The following AK7 variants were observed in gnomAD, a reference collection of about 807,000 sequenced individuals.
The protein encoded by AK7 is ATP-AMP transphosphorylase 7.
In AK7, 78 loss-of-function variants were observed where a neutral mutation model predicts 96.6. The observed-to-expected ratio is 0.81, with a 90% CI of 0.67 to 0.97. The LOEUF (loss-of-function observed/expected upper bound fraction) is 0.97, where lower values mean the gene tolerates loss of function less well. Ranked by LOEUF, AK7 falls within the 50% of genes least tolerant of loss-of-function variation. The pLI is 0.00. For synonymous variants in AK7, 302 were observed against 317.2 expected, an observed-to-expected ratio of 0.95 and a Z score of 0.51; for missense variants, 855 against 887.9, an observed-to-expected ratio of 0.96 and a Z score of 0.47.
intron 8 of AK7, among the ~76,000 whole-genome samples, chr14:96,446,989 G>T (rs1893274401): frequency 6.6e-6 from 1 of 152,034 alleles, no homozygotes; most frequent in South Asian, 2.1e-4. Context: ...AAAAAGTTTT[G>T]CCCCCAATCA....
chr14:96,421,733 G>C (rs967311298), intron 5 of AK7, among the ~76,000 whole-genome samples: 5 of 151,920 alleles, frequency 3.3e-5, no homozygotes, highest in Non-Finnish European at 7.4e-5. Flanking sequence ...AGCCTCCCGG[G>C]TAGCTGGGAC....
intron 5 of AK7, among the ~76,000 whole-genome samples, chr14:96,422,056 C>G (rs563687882): frequency 6.6e-6 from 1 of 152,144 alleles, no homozygotes; most frequent in Non-Finnish European, 1.5e-5. Flanking sequence ...CTTCTGGTCC[C>G]GTGGTGCCAA....
In AK7 at chr14:96,430,938, C is replaced by T. The variant is rs577006533; in HGVS notation, c.610-6897C>T. ...TTGGTTGGTAGACTATTAATTATTG[C>T]CTCAATTTCAGAGCCTGTTATTGGT... On this transcript the variant is annotated intron_variant, in intron 5 of 17. Transcript: ENST00000267584. 1.5e-3 allele frequency among the ~76,000 whole-genome samples: 227 copies of T among 152,252 alleles called. 1 individual carries two copies. Among genetic ancestry groups the T allele is most frequent in the African/African-American group, 5.2e-3 (215 of 41,542 alleles).
intron 4 of AK7, among the ~76,000 whole-genome samples, chr14:96,417,053 T>C (rs1595387072): frequency 6.6e-6 from 1 of 152,058 alleles, no homozygotes; most frequent in South Asian, 2.1e-4. Flanking sequence ...AGACAAAGGG[T>C]AGGGCAAATC....
chr14:96,397,378 A>T (rs1216119375), intron 1 of AK7, among the ~76,000 whole-genome samples: 1 of 151,958 alleles, frequency 6.6e-6, no homozygotes, highest in Non-Finnish European at 1.5e-5. Context: ...CCTCCCGAGT[A>T]GCGGGGACTA....
rs755693527 is a variant in AK7 at position 96,451,530 on chromosome 14, A to C, written c.1058A>C (p.Asn353Thr). Residue 353 changes from asparagine (N) to threonine (T), a missense_variant, in exon 10 of 18, where the codon AAC (asparagine) becomes ACC (threonine). Coordinates refer to ENST00000267584, the MANE Select transcript of AK7 (RefSeq NM_152327.5). ...AAQTGFVENI[N>T]TILKEYKQSR... is the part of the protein sequence containing the mutation. ...CAAACAGGATTTGTGGAAAATATCA[A>C]CACTATCCTCAAGGAGTACAAGCAA... is the stretch of plus-strand genomic sequence containing the variant. 50 of 1,595,064 alleles carry C rather than the reference A, an allele frequency of 3.1e-5. 4 individuals carry two copies. The South Asian group carries it at 5.5e-4, about 17-fold the overall frequency.
chr14:96,446,560 C>G lies in AK7; in HGVS notation c.823C>G (p.Leu275Val), dbSNP rs1338168989. The G allele has an allele frequency of 1.2e-6, 2 of 1,614,152 alleles. No individual in the cohort carries two copies. The highest frequency in any genetic ancestry group is 4.5e-5 in the East Asian group (2 of 44,882). Residue 275 changes from leucine (L) to valine (V), a missense_variant, in exon 8 of 18, where the codon CTG becomes GTG. Coordinates refer to ENST00000267584, the MANE Select transcript of AK7 (RefSeq NM_152327.5). Reference sequence around the variant, plus strand: ...AGATCACGTGCCAAAGCCTCACTACCTGGTTGCTGTGGATGAGTCTGTTCA... The same window carrying G: ...AGATCACGTGCCAAAGCCTCACTACGTGGTTGCTGTGGATGAGTCTGTTCA... ...VIDHVPKPHY[L>V]VAVDESVHTL...
chr14:96,481,628 G>T (rs1018319456), intron 15 of AK7, among the ~76,000 whole-genome samples: 1 of 151,586 alleles, frequency 6.6e-6, no homozygotes, highest in Non-Finnish European at 1.5e-5. Flanking sequence ...TTACAGGCGT[G>T]AGCCACCACA....
chr14:96,425,235 G>T (rs1365326110), intron 5 of AK7, among the ~76,000 whole-genome samples: 1 of 152,160 alleles, frequency 6.6e-6, no homozygotes, highest in East Asian at 1.9e-4. Context: ...ATGAGGAGCT[G>T]CCCTCACAGC....
rs111340962 is a variant in AK7, at chr14:96,420,814, T to C, written c.499-8T>C. The C allele has an allele frequency of 9.9e-4, 1,581 of 1,592,402 alleles. 24 individuals carry two copies. The African/African-American group carries it at 0.018, about 19-fold the overall frequency. On this transcript the variant is annotated splice_polypyrimidine_tract_variant and splice_region_variant and intron_variant, in intron 4 of 17. Transcript: ENST00000267584. ...AAGTCTGTACCTTTTCTTTCTTTCT[T>C]ATAATAGGAGGATTCTGAGGTTCCA...
At position 96,456,390 on chromosome 14, in the gene AK7, C is replaced by G; in HGVS notation, c.1142C>G (p.Ser381Cys). The G allele has an allele frequency of 6.2e-7, 1 of 1,613,870 alleles. No homozygotes were observed. The highest frequency in any genetic ancestry group is 1.3e-5 in the African/African-American group (1 of 75,034). The part of the protein sequence containing the change: ...CILGPPAVGK[S>C]SIAKELANYY... ...CTTGGTCCCCCTGCTGTGGGAAAAT[C>G]CAGTATTGCTAAAGAATTGGCCAAC... Residue 381 changes from serine (S) to cysteine (C), a missense_variant, in exon 11 of 18, where the codon TCC (serine) becomes TGC (cysteine). Physicochemically the swap from Ser to Cys is moderately radical, Grantham distance 112. Transcript: ENST00000267584.
rs370081121 is a variant in AK7, at chr14:96,437,947, A to T, written c.690+32A>T. 1.1e-5 allele frequency: 17 copies of T among 1,588,460 alleles called. No individual in the cohort carries two copies. The African/African-American group carries it at 2.2e-4, about 20-fold the overall frequency. On this transcript the variant is annotated intron_variant, in intron 6 of 17. Coordinates refer to ENST00000267584, the MANE Select transcript of AK7 (RefSeq NM_152327.5). ...CTTTCAATGATGACGTGGAATGTTT[A>T]AAAGTGTCTTACGATACAGATACGC...
In AK7 at chr14:96,397,253, T is replaced by TG. The variant is rs1169606505; in HGVS notation, c.106-822_106-821insG. ...ATATTGCATTAAATACCACAGCATT[T>TG]AATTTTTTTTTTTTAGGCGGAGTCT... On this transcript the variant is annotated intron_variant, in intron 1 of 17. Coordinates refer to ENST00000267584, the MANE Select transcript of AK7 (RefSeq NM_152327.5). Among the ~76,000 whole-genome samples the TG allele has an allele frequency of 6.8e-4, 103 of 152,284 alleles. 1 individual carries two copies. The highest frequency in any genetic ancestry group is 2.4e-3 in the African/African-American group (98 of 41,550).
chr14:96,468,721 C>T lies in AK7; in HGVS notation c.1358-2757C>T, dbSNP rs139748204. Among the ~76,000 whole-genome samples the T allele has an allele frequency of 1.4e-4, 22 of 152,262 alleles. No individual in the cohort carries two copies. The East Asian group carries it at 4.2e-3, about 29-fold the overall frequency. ...TCTCAAATGCCGTCCCTCACATTCC[C>T]ACCACTGCTCAGGGGAGCAGCTCTC... On this transcript the variant is annotated intron_variant, in intron 12 of 17. Transcript: ENST00000267584.
intron 1 of AK7, among the ~76,000 whole-genome samples, chr14:96,396,487 T>G (rs1336733239): frequency 1.3e-5 from 2 of 152,206 alleles, no homozygotes; most frequent in Non-Finnish European, 2.9e-5. Flanking sequence ...GAGAGATAAA[T>G]GAAATGAAAA....
At chr14:96,415,800 A>T (rs1258126235) in intron 4 of AK7, among the ~76,000 whole-genome samples, 1 of 149,824 alleles carries the variant, frequency 6.7e-6, no homozygotes, top group Non-Finnish European at 1.5e-5. Flanking sequence ...TTAATTAATT[A>T]AATTAATTTA....
chr14:96,409,054 T>C, intron 4 of AK7, 113 bp downstream of exon 4: 1 of 1,005,908 alleles, frequency 9.9e-7, no homozygotes. Context: ...TCCTGAATCC[T>C]ATCCCATAAT....
At chr14:96,472,380 C>T (rs1486845046) in intron 13 of AK7, among the ~76,000 whole-genome samples, 1 of 152,208 alleles carries the variant, frequency 6.6e-6, no homozygotes, top group Non-Finnish European at 1.5e-5. Flanking sequence ...TCTCTGAACT[C>T]CTGGCTTCAG....
At chr14:96,454,483 T>G (rs1285587810) in intron 10 of AK7, among the ~76,000 whole-genome samples, 1 of 151,792 alleles carries the variant, frequency 6.6e-6, no homozygotes. Context: ...TTAGAATAAC[T>G]TTTTTAAAAA....
Sources: allele counts gnomAD v4.1 joint callset (sites outside exome capture counted in the v4.1 genomes callset), GRCh38; gene constraint gnomAD v4.1.1; transcripts MANE v1.5; gene names NCBI Gene and HGNC (gene_info 2026-07-23, HGNC 2026-07-21).